The following MYCBP2 variants were observed in gnomAD, a reference collection of about 807,000 sequenced individuals.
The protein encoded by MYCBP2 is E3 ubiquitin-protein ligase MYCBP2.
In MYCBP2, 120 loss-of-function variants were observed where a neutral mutation model predicts 525.3. The observed-to-expected ratio is 0.23, with a 90% CI of 0.20 to 0.27. The LOEUF (loss-of-function observed/expected upper bound fraction) is 0.27, where lower values mean the gene tolerates loss of function less well. MYCBP2 is among the 10% of genes least tolerant of loss of function. MYCBP2 has a pLI of 1.00. For synonymous variants in MYCBP2, 1,894 were observed against 1,955.8 expected (o/e 0.97, Z 0.83); for missense variants, 4,149 against 5,657.1 (o/e 0.73, Z 8.55).
At position 77,051,179 on chromosome 13, in the gene MYCBP2, G is replaced by A. The variant is rs1279238633; in HGVS notation, c.13756-17C>T. On this transcript the variant is annotated splice_polypyrimidine_tract_variant and intron_variant, in intron 81 of 82. Coordinates refer to ENST00000544440, the MANE Select transcript of MYCBP2 (RefSeq NM_015057.5). ...GGGACACATCTATAGCAAAAGAGAA[G>A]AGACAGACACAAGATCATAGTGAGA... 1 of 1,593,854 alleles carries A rather than the reference G, an allele frequency of 6.3e-7. No homozygotes were observed. Among genetic ancestry groups the A allele is most frequent in the Non-Finnish European group, 8.5e-7 (1 of 1,172,758 alleles).
intron 62 of MYCBP2, 75 bp from the exon 63 acceptor site, chr13:77,083,267 T>C (rs2043614250): frequency 1.5e-6 from 2 of 1,317,860 alleles, no homozygotes; most frequent in Non-Finnish European, 2.0e-6. Context: ...CTATTATGTA[T>C]ACTTAAAAAA....
chr13:77,185,773 G>A, intron 31 of MYCBP2, 98 bp downstream of exon 31: 1 of 858,928 alleles, frequency 1.2e-6, no homozygotes. Flanking sequence ...CAGCTTAAAT[G>A]CAGCTGGGGG....
At chr13:77,085,099 T>G (rs1440421600) in intron 62 of MYCBP2, among the ~76,000 whole-genome samples, 2 of 152,098 alleles carry the variant, frequency 1.3e-5, no homozygotes, top group Non-Finnish European at 1.5e-5. Context: ...ACTGGCTGTT[T>G]CATCGTAACT....
intron 32 of MYCBP2, among the ~76,000 whole-genome samples, chr13:77,182,899 T>C (rs2060343253): frequency 6.6e-6 from 1 of 152,212 alleles, no homozygotes; most frequent in African/African-American, 2.4e-5. Flanking sequence ...TGAAGATTTT[T>C]TTGTAAATAT....
chr13:77,062,613 C>G lies in MYCBP2; in HGVS notation c.12757G>C (p.Gly4253Arg). 6.2e-7 allele frequency: 1 copy of G among 1,613,912 alleles called. No homozygotes were observed. Among genetic ancestry groups the G allele is most frequent in the Non-Finnish European group, 8.5e-7 (1 of 1,179,856 alleles). ...LSSGRWMGKD[G>R]QQKQMPMCDN... ...GATCTTACCATTTGTTTTTGTTGTC[C>G]ATCCTTTCCCATCCATCTCCCCGAG... The change falls in exon 74 of 83, where the codon GGA (glycine) becomes CGA (arginine). Residue 4253 changes from glycine to arginine, a missense_variant. Gly to Arg is a moderately radical substitution (Grantham distance 125). Coordinates refer to ENST00000544440, the MANE Select transcript of MYCBP2 (RefSeq NM_015057.5).
chr13:77,059,524 T>C lies in MYCBP2; in HGVS notation c.13139A>G (p.Gln4380Arg). 6.2e-7 allele frequency: 1 copy of C among 1,610,882 alleles called. No homozygotes were observed. Among genetic ancestry groups the C allele is most frequent in the Non-Finnish European group, 8.5e-7 (1 of 1,177,002 alleles). Reference sequence around the variant, plus strand: ...TGGCCTGTGTCACTATATACTCACCTGGCAATCTGCATCAGAACAAACACT... The same window carrying C: ...TGGCCTGTGTCACTATATACTCACCCGGCAATCTGCATCAGAACAAACACT... ...VGSVCSDADC[Q>R]EYAKIACSKT... The change falls in exon 77 of 83, where the codon CAG (glutamine) becomes CGG (arginine). Residue 4380 changes from glutamine to arginine, a missense_variant and splice_region_variant. Physicochemically the swap from Gln to Arg is conservative, Grantham distance 43. Coordinates refer to ENST00000544440, the MANE Select transcript of MYCBP2 (RefSeq NM_015057.5).
chr13:77,051,701 G>A (rs912301747), intron 81 of MYCBP2, 110 bp downstream of exon 81: 5 of 717,804 alleles, frequency 7.0e-6, no homozygotes, highest in East Asian at 2.8e-5. Context: ...ACAAATATCA[G>A]AAAATACTGA....
intron 55 of MYCBP2, among the ~76,000 whole-genome samples, chr13:77,101,884 T>A (rs2154133869): frequency 6.6e-6 from 1 of 152,180 alleles, no homozygotes; most frequent in African/African-American, 2.4e-5. Context: ...ATGTTGTGGC[T>A]GCTCAAAATA....
At chr13:77,265,922 C>T (rs966952754) in intron 8 of MYCBP2, among the ~76,000 whole-genome samples, 2 of 152,160 alleles carry the variant, frequency 1.3e-5, no homozygotes. Flanking sequence ...AAATATGGGA[C>T]TATCTTCCTG....
chr13:77,248,231 C>G (rs775578708), intron 15 of MYCBP2, among the ~76,000 whole-genome samples: 1 of 151,184 alleles, frequency 6.6e-6, no homozygotes, highest in Non-Finnish European at 1.5e-5. Flanking sequence ...ACCAAAGGCA[C>G]AGGCGACAAT....
intron 20 of MYCBP2, among the ~76,000 whole-genome samples, chr13:77,220,693 T>G (rs1225495665): frequency 6.6e-6 from 1 of 152,202 alleles, no homozygotes. Context: ...ACATATGCTA[T>G]AGAAGCTTTG....
At chr13:77,208,456 T>TA (rs986933658) in intron 23 of MYCBP2, among the ~76,000 whole-genome samples, 43 of 152,200 alleles carry the variant, frequency 2.8e-4, no homozygotes, top group African/African-American at 8.9e-4. Flanking sequence ...ATCGTAATAT[T>TA]AAAAAAAATC....
At chr13:77,088,370 T>C (rs1028732124) in intron 61 of MYCBP2, among the ~76,000 whole-genome samples, 1 of 152,098 alleles carries the variant, frequency 6.6e-6, no homozygotes, top group Admixed American at 6.6e-5. Flanking sequence ...TGGTAGGTTA[T>C]TTATCACATT....
At chr13:77,296,278 G>A (rs2078178776) in intron 2 of MYCBP2, among the ~76,000 whole-genome samples, 1 of 152,016 alleles carries the variant, frequency 6.6e-6, no homozygotes, top group East Asian at 1.9e-4. Flanking sequence ...CAATTAGCTG[G>A]TTGTGGTGGC....
At chr13:77,176,655 A>G in intron 35 of MYCBP2, 27 bp from the exon 36 acceptor site, 1 of 1,477,460 alleles carries the variant, frequency 6.8e-7, no homozygotes. Flanking sequence ...AAACACAAAA[A>G]TTCCAACAGA....
At chr13:77,306,401 G>C (rs1343263101) in intron 1 of MYCBP2, among the ~76,000 whole-genome samples, 1 of 152,154 alleles carries the variant, frequency 6.6e-6, no homozygotes, top group African/African-American at 2.4e-5. Context: ...GATTTTAACA[G>C]TTCAACTTGA....
chr13:77,097,682 A>T lies in MYCBP2; in HGVS notation c.9472T>A (p.Leu3158Ile). Residue 3158 changes from leucine to isoleucine, a missense_variant, in exon 56 of 83, where the codon TTA (leucine) becomes ATA (isoleucine). Physicochemically the swap from Leu to Ile is conservative, Grantham distance 5. This residue lies in a region of MYCBP2 where 653 missense variants were observed against 744.7 expected (regional missense o/e 0.88). Coordinates refer to ENST00000544440, the MANE Select transcript of MYCBP2 (RefSeq NM_015057.5). ...NTMKSKSPLP[L>I]TLQHLVAFWE... The stretch of plus-strand genomic sequence containing the variant: ...AAAGCCACTAAATGTTGTAAAGTTA[A>T]GGGAAGAGGAGACTTAGACTTCATT... 6.2e-7 allele frequency: 1 copy of T among 1,613,806 alleles called. No individual in the cohort carries two copies. The highest frequency in any genetic ancestry group is 8.5e-7 in the Non-Finnish European group (1 of 1,179,826).
In MYCBP2 at chr13:77,112,138, C is replaced by T. The variant is rs149505488; in HGVS notation, c.8140+9235G>A. 1.3e-3 allele frequency among the ~76,000 whole-genome samples: 193 copies of T among 151,914 alleles called. 2 individuals carry two copies. The highest frequency in any genetic ancestry group is 4.1e-3 in the African/African-American group (171 of 41,464). On this transcript the variant is annotated intron_variant, in intron 55 of 82. Transcript: ENST00000544440. ...CAATGCAGTCTCTCCATGGTAACTC[C>T]GAGCTGATAAGTGCTTCCTATTTTA...
intron 2 of MYCBP2, among the ~76,000 whole-genome samples, chr13:77,290,856 A>G (rs1329623074): frequency 2.0e-5 from 3 of 152,208 alleles, no homozygotes; most frequent in African/African-American, 7.2e-5. Context: ...ACACATACAC[A>G]CTGCATTCAT....
Sources: gnomAD v4.1 joint callset for allele counts (sites outside exome capture counted in the v4.1 genomes callset) on GRCh38, gnomAD v4.1.1 for gene constraint, gnomAD v4.1.1 regional missense constraint, MANE v1.5 for transcripts, NCBI Gene and HGNC (gene_info 2026-07-23, HGNC 2026-07-21) for gene names.